GALNT10: variants seen among roughly 807,000 people sequenced by gnomAD.
The protein encoded by GALNT10 is polypeptide N-acetylgalactosaminyltransferase 10.
Under a neutral mutation model 75.0 loss-of-function variants are expected in GALNT10, and 41 were observed. The observed-to-expected ratio is 0.55, with a 90% CI of 0.43 to 0.71. The LOEUF is 0.71. Among genes scored for constraint, GALNT10 ranks in the 30% least tolerant of loss-of-function variants. The probability of loss-of-function intolerance (pLI) is 0.00; values close to 1 mark genes in which losing one functional copy is unlikely to be tolerated. For synonymous variants in GALNT10, 302 were observed against 313.0 expected, an observed-to-expected ratio of 0.96 and a Z score of 0.37; for missense variants, 727 against 818.5, an observed-to-expected ratio of 0.89 and a Z score of 1.36.
intron 4 of GALNT10, among the ~76,000 whole-genome samples, chr5:154,334,962 C>T (rs929088474): frequency 3.3e-5 from 5 of 152,196 alleles, no homozygotes; most frequent in African/African-American, 9.6e-5. Flanking sequence ...GAACACATCA[C>T]GGAAATCCAT....
At position 154,229,477 on chromosome 5, in the gene GALNT10, C is replaced by T. The variant is rs149110941; in HGVS notation, c.159+38452C>T. 6.3e-3 allele frequency among the ~76,000 whole-genome samples: 967 copies of T among 152,312 alleles called. 11 individuals are homozygous for T. The highest frequency in any genetic ancestry group is 0.022 in the African/African-American group (900 of 41,554). ...GACGTGGTGGCTCATGCCTGTAATC[C>T]CAGCACTTTGGGAGGCTGAGGCAGG... On this transcript the variant is annotated intron_variant, in intron 1 of 11. Coordinates refer to ENST00000297107, the MANE Select transcript of GALNT10 (RefSeq NM_198321.4).
At position 154,298,193 on chromosome 5, in the gene GALNT10, T is replaced by A; in HGVS notation, c.401+114T>A. ...CCTGCTGACGGAGACACCCTCCTCT[T>A]TCACAGGCATTTGTGCAAAGGTTCA... On this transcript the variant is annotated intron_variant, in intron 3 of 11. Coordinates refer to ENST00000297107, the MANE Select transcript of GALNT10 (RefSeq NM_198321.4). This position sits in a 1 kb window ranked among gnomAD's most constrained non-coding sequence, Gnocchi z 4.1. The A allele has an allele frequency of 1.1e-6, 1 of 905,224 alleles. No individual in the cohort carries two copies. Among genetic ancestry groups the A allele is most frequent in the East Asian group, 2.4e-5 (1 of 41,326 alleles). 56.1% of individuals were successfully genotyped at this position (905,224 alleles called of 1,614,324 possible). A position where few individuals can be genotyped will look rare whatever the true frequency, so the allele number is the denominator to read the frequency against.
At chr5:154,406,485 G>T (rs1298881829) in intron 8 of GALNT10, among the ~76,000 whole-genome samples, 2 of 152,130 alleles carry the variant, frequency 1.3e-5, no homozygotes, top group Non-Finnish European at 2.9e-5. Flanking sequence ...TCAATTACTT[G>T]CAGACCACAT....
intron 3 of GALNT10, among the ~76,000 whole-genome samples, chr5:154,304,778 G>A (rs1754406746): frequency 6.6e-6 from 1 of 152,156 alleles, no homozygotes; most frequent in Admixed American, 6.5e-5. Flanking sequence ...CATAAAGATT[G>A]AAGGGGAGAA....
In GALNT10 at chr5:154,229,734, A is replaced by G. The variant is rs192794711; in HGVS notation, c.159+38709A>G. ...GGCGACAGAGTGAGACTCCATCTCA[A>G]AAAAAAAAAAGAATCTAAGTTCCAT... On this transcript the variant is annotated intron_variant, in intron 1 of 11. Coordinates refer to ENST00000297107, the MANE Select transcript of GALNT10 (RefSeq NM_198321.4). 2.6e-3 allele frequency among the ~76,000 whole-genome samples: 390 copies of G among 149,576 alleles called. 4 individuals carry two copies. The highest frequency in any genetic ancestry group is 9.1e-3 in the African/African-American group (373 of 41,176).
chr5:154,260,730 A>G (rs1753687859), intron 1 of GALNT10, among the ~76,000 whole-genome samples: 1 of 152,164 alleles, frequency 6.6e-6, no homozygotes, highest in South Asian at 2.1e-4. Context: ...TTTAACATGA[A>G]GCCTTTGTTG....
At chr5:154,312,704 A>G (rs1351644265) in intron 3 of GALNT10, among the ~76,000 whole-genome samples, 2 of 152,186 alleles carry the variant, frequency 1.3e-5, no homozygotes, top group African/African-American at 4.8e-5. Context: ...CCTGGAACAC[A>G]TATCTTTACA....
intron 1 of GALNT10, among the ~76,000 whole-genome samples, chr5:154,216,780 A>G: frequency 6.6e-6 from 1 of 152,318 alleles, no homozygotes; most frequent in Non-Finnish European, 1.5e-5. Context: ...GGTGGACTAT[A>G]TAACAAGATC....
chr5:154,322,246 C>T (rs1754686902), intron 3 of GALNT10, among the ~76,000 whole-genome samples: 1 of 152,064 alleles, frequency 6.6e-6, no homozygotes, highest in South Asian at 2.1e-4. Context: ...GGCTCCTGTT[C>T]CCTGGCTGTC....
At chr5:154,196,955 C>A (rs1036236238) in intron 1 of GALNT10, among the ~76,000 whole-genome samples, 1 of 152,120 alleles carries the variant, frequency 6.6e-6, no homozygotes, top group African/African-American at 2.4e-5. Flanking sequence ...CACAGTGTTC[C>A]AGGCAGTAAT....
In GALNT10 at chr5:154,402,819, T is replaced by C. The variant is rs1326543291; in HGVS notation, c.1057-1285T>C. The C allele has an allele frequency of 6.6e-6, 1 of 152,280 alleles. No individual in the cohort carries two copies. The highest frequency in any genetic ancestry group is 2.4e-5 in the African/African-American group (1 of 41,460). The allele number at this position is 152,280 out of a possible 1,614,324, so 9.4% of individuals were successfully genotyped here. On this transcript the variant is annotated intron_variant, in intron 7 of 11. Transcript: ENST00000297107. This position sits in a 1 kb window ranked among gnomAD's most constrained non-coding sequence, Gnocchi z 4.2. Reference sequence around the variant, plus strand: ...CTGGGGTGTCCTCAAACATGGCAGCTGGCTCCTCCAAAGCCAGCGGTCCCA... The same window carrying C: ...CTGGGGTGTCCTCAAACATGGCAGCCGGCTCCTCCAAAGCCAGCGGTCCCA...
intron 3 of GALNT10, among the ~76,000 whole-genome samples, chr5:154,306,772 C>T (rs1754441091): frequency 1.3e-5 from 2 of 151,890 alleles, no homozygotes; most frequent in South Asian, 4.2e-4. Flanking sequence ...TTTAAAAAGC[C>T]ACAATTATGA....
Position 154,299,939 on chromosome 5 carries a change from ATCC to A in GALNT10, c.401+1864_401+1866del, listed in dbSNP as rs893390516. ...AACCTCTGCCTCCTGAGCTCAAGCA[ATCC>A]TCCCATCTCAGCCTCCCGTGTAGCT... is the stretch of plus-strand genomic sequence containing the variant. On this transcript the variant is annotated intron_variant, in intron 3 of 11. Transcript: ENST00000297107. Among the ~76,000 whole-genome samples, 47 of 151,550 alleles carry A rather than the reference ATCC, an allele frequency of 3.1e-4. No individual in the cohort carries two copies. In the Middle Eastern group the frequency reaches 0.017, roughly 55 times the overall value.
At chr5:154,250,435 G>A (rs1753498109) in intron 1 of GALNT10, among the ~76,000 whole-genome samples, 1 of 152,168 alleles carries the variant, frequency 6.6e-6, no homozygotes, top group South Asian at 2.1e-4. Context: ...CCTGGCACAA[G>A]GGGGACTATG....
chr5:154,380,870 G>T (rs557215672), intron 6 of GALNT10, among the ~76,000 whole-genome samples: 217 of 152,180 alleles, frequency 1.4e-3, no homozygotes, highest in African/African-American at 5.0e-3. Flanking sequence ...TGCACAGTTT[G>T]CCAGGATTGT....
intron 2 of GALNT10, among the ~76,000 whole-genome samples, chr5:154,296,234 G>A (rs1754269699): frequency 6.6e-6 from 1 of 152,112 alleles, no homozygotes; most frequent in African/African-American, 2.4e-5. Flanking sequence ...TTACAGACCT[G>A]TGCCACCACA....
chr5:154,309,174 G>A (rs557691998), intron 3 of GALNT10, among the ~76,000 whole-genome samples: 1 of 152,314 alleles, frequency 6.6e-6, no homozygotes, highest in African/African-American at 2.4e-5. Flanking sequence ...AGGCCTAGCA[G>A]GAAAGTTGAC....
rs1756611786 is a variant in GALNT10, at chr5:154,420,677, T to G, written c.*3705T>G. The G allele has an allele frequency of 6.6e-6, 1 of 152,236 alleles. No individual in the cohort carries two copies. Among genetic ancestry groups the G allele is most frequent in the African/African-American group, 2.4e-5 (1 of 41,466 alleles). The allele number at this position is 152,236 out of a possible 1,614,324, so 9.4% of individuals were successfully genotyped here. On this transcript the variant is annotated 3_prime_UTR_variant, in exon 12 of 12. Transcript: ENST00000297107. ...CCAAGGCCCACTGCCACCTCTGGGA[T>G]GGGAGTCGGACCTACATACCAAGTG...
chr5:154,251,342 A>T (rs543519875), intron 1 of GALNT10, among the ~76,000 whole-genome samples: 1 of 152,140 alleles, frequency 6.6e-6, no homozygotes, highest in African/African-American at 2.4e-5. Context: ...TAAAGTCTCA[A>T]TCTACAGGTT....
Sources: allele counts gnomAD v4.1 joint callset (sites outside exome capture counted in the v4.1 genomes callset), GRCh38; gene constraint gnomAD v4.1.1; non-coding constraint Gnocchi (gnomAD v3.1); transcripts MANE v1.5; gene names NCBI Gene and HGNC (gene_info 2026-07-23, HGNC 2026-07-21).